The following SHLD1 variants were observed in gnomAD, a reference collection of about 807,000 sequenced individuals.
SHLD1 encodes shieldin complex subunit 1.
Under a neutral mutation model 5.5 loss-of-function variants are expected in SHLD1, and 3 were observed. That is an observed-to-expected ratio of 0.54 (90% CI 0.25 to 1.40). SHLD1 has a LOEUF of 1.40. Among genes scored for constraint, SHLD1 ranks in the 40% most tolerant of loss-of-function variants. SHLD1 has a pLI of 0.15. For synonymous variants in SHLD1, 92 were observed against 94.3 expected, an observed-to-expected ratio of 0.98 and a Z score of 0.14; for missense variants, 210 against 244.4, an observed-to-expected ratio of 0.86 and a Z score of 0.94.
chr20:5,815,717 T>C (rs893277911), intron 2 of SHLD1, among the ~76,000 whole-genome samples: 2 of 152,224 alleles, frequency 1.3e-5, no homozygotes, highest in African/African-American at 4.8e-5. Context: ...TTCTCAGTAT[T>C]ATCCCACTTT....
intron 1 of SHLD1, among the ~76,000 whole-genome samples, chr20:5,758,609 G>A (rs1183171017): frequency 1.3e-5 from 2 of 151,768 alleles, no homozygotes; most frequent in Admixed American, 1.3e-4. Context: ...AGTAGAGATG[G>A]GGGGTTTCAC....
At chr20:5,761,694 G>A (rs1470859275) in intron 1 of SHLD1, among the ~76,000 whole-genome samples, 5 of 148,114 alleles carry the variant, frequency 3.4e-5, no homozygotes, top group East Asian at 2.0e-4. Context: ...TGCAACCTCC[G>A]CTTCCCAGGT....
At position 5,808,245 on chromosome 20, in the gene SHLD1, A is replaced by G. The variant is rs879567207; in HGVS notation, c.178+35202A>G. ...CAGTGAGTCAAGATCACGCCACTGCACTCCAGCAAGACTCCATCTCAAAAA... is the reference window on the plus strand; with the variant it reads ...CAGTGAGTCAAGATCACGCCACTGCGCTCCAGCAAGACTCCATCTCAAAAA... On this transcript the variant is annotated intron_variant, in intron 2 of 2. Transcript: ENST00000303142. 3.0e-4 allele frequency among the ~76,000 whole-genome samples: 3 copies of G among 10,128 alleles called. No homozygotes were observed. In the East Asian group the frequency reaches 0.05, roughly 169 times the overall value. 6.6% of individuals were successfully genotyped at this position (10,128 alleles called of 152,430 possible). A position where few individuals can be genotyped will look rare whatever the true frequency, so the allele number is the denominator to read the frequency against.
intron 1 of SHLD1, among the ~76,000 whole-genome samples, chr20:5,768,221 G>A (rs571728495): frequency 2.7e-4 from 41 of 152,234 alleles, no homozygotes; most frequent in Non-Finnish European, 4.9e-4. Flanking sequence ...TGATCCACCC[G>A]CCTTGGCCTC....
rs142376706 is a variant in SHLD1 at position 5,806,335 on chromosome 20, G to C, written c.178+33292G>C. On this transcript the variant is annotated intron_variant, in intron 2 of 2. Coordinates refer to ENST00000303142, the MANE Select transcript of SHLD1 (RefSeq NM_152504.4). The surrounding 1 kb of genome is among the most constrained non-coding windows in gnomAD (Gnocchi z 7.6). Reference sequence around the variant, plus strand: ...TCCACAGTATATGGATTTGTGGATCGTGTCTTCTTCCTTCCATTTGAAAAC... The same window carrying C: ...TCCACAGTATATGGATTTGTGGATCCTGTCTTCTTCCTTCCATTTGAAAAC... Among the ~76,000 whole-genome samples the C allele has an allele frequency of 1.1e-4, 17 of 152,298 alleles. No homozygotes were observed. The highest frequency in any genetic ancestry group is 1.2e-4 in the African/African-American group (5 of 41,554).
chr20:5,750,395 T>G (rs1215483677), upstream of SHLD1: 2 of 151,632 alleles, frequency 1.3e-5, no homozygotes, highest in African/African-American at 2.4e-5. Context: ...GCGCCATTGC[T>G]TCCGCGTTCC....
At chr20:5,810,182 G>C (rs533936473) in intron 2 of SHLD1, among the ~76,000 whole-genome samples, 1 of 151,778 alleles carries the variant, frequency 6.6e-6, no homozygotes, top group African/African-American at 2.4e-5. Context: ...GCTTGAACCC[G>C]GGTGGTGGAG....
At chr20:5,773,502 T>G (rs745359411) in intron 2 of SHLD1, 2 of 239,388 alleles carry the variant, frequency 8.4e-6, no homozygotes, top group Non-Finnish European at 1.6e-5. Flanking sequence ...CAAGGTTTCC[T>G]GACTAGATTG....
intron 2 of SHLD1, among the ~76,000 whole-genome samples, chr20:5,844,793 A>ATTTTT (rs1167953728): frequency 1.0e-5 from 1 of 96,196 alleles, no homozygotes; most frequent in African/African-American, 7.0e-5. Flanking sequence ...ATATATATAT[A>ATTTTT]TATATATTTT....
intron 1 of SHLD1, among the ~76,000 whole-genome samples, chr20:5,752,021 A>AG (rs1290048989): frequency 6.6e-6 from 1 of 152,182 alleles, no homozygotes; most frequent in Non-Finnish European, 1.5e-5. Flanking sequence ...AACTAAGATA[A>AG]GGGAGTTGTG....
chr20:5,821,856 A>G (rs1399553875), intron 2 of SHLD1, among the ~76,000 whole-genome samples: 3 of 152,142 alleles, frequency 2.0e-5, no homozygotes, highest in Non-Finnish European at 4.4e-5. Context: ...GCTTCCCCAC[A>G]GTGAGTCGTG....
At chr20:5,842,776 C>A (rs1187969159) in intron 2 of SHLD1, among the ~76,000 whole-genome samples, 1 of 151,968 alleles carries the variant, frequency 6.6e-6, no homozygotes, top group African/African-American at 2.4e-5. Flanking sequence ...TCTTGTTTTA[C>A]CTATTTGCTG....
Position 5,854,397 on chromosome 20 carries a change from G to A in SHLD1, c.179-8627G>A, listed in dbSNP as rs575757291. Among the ~76,000 whole-genome samples, 186 of 152,198 alleles carry A rather than the reference G, an allele frequency of 1.2e-3. 1 individual carries two copies. Among genetic ancestry groups the A allele is most frequent in the African/African-American group, 4.2e-3 (173 of 41,516 alleles). On this transcript the variant is annotated intron_variant, in intron 2 of 2. Coordinates refer to ENST00000303142, the MANE Select transcript of SHLD1 (RefSeq NM_152504.4). ...TCCTGAACTCACGTGATTTGTCCGCGTTGGCCTCCCAAAGTTCTGGGATTA... is the reference window on the plus strand; with the variant it reads ...TCCTGAACTCACGTGATTTGTCCGCATTGGCCTCCCAAAGTTCTGGGATTA...
chr20:5,838,331 A>C (rs575218032), intron 2 of SHLD1, among the ~76,000 whole-genome samples: 16 of 152,374 alleles, frequency 1.1e-4, no homozygotes, highest in African/African-American at 3.6e-4. Flanking sequence ...TTGGAGTGGT[A>C]GATTATGGGA....
intron 2 of SHLD1, among the ~76,000 whole-genome samples, chr20:5,810,532 G>A (rs1229501056): frequency 6.6e-6 from 1 of 152,018 alleles, no homozygotes; most frequent in African/African-American, 2.4e-5. Context: ...TTTTTTAAGT[G>A]GGATAAGGAT....
intron 2 of SHLD1, among the ~76,000 whole-genome samples, chr20:5,833,160 C>T (rs996393348): frequency 1.2e-4 from 18 of 152,204 alleles, no homozygotes; most frequent in Non-Finnish European, 2.6e-4. Flanking sequence ...AAATAGACTC[C>T]TCGGCTTCTC....
chr20:5,764,813 A>G (rs778133997), intron 1 of SHLD1, among the ~76,000 whole-genome samples: 42 of 152,180 alleles, frequency 2.8e-4, no homozygotes, highest in Non-Finnish European at 4.9e-4. Context: ...GGGTAGCTCT[A>G]TGGATGTTTG....
intron 2 of SHLD1, among the ~76,000 whole-genome samples, chr20:5,784,435 A>T (rs1471052587): frequency 2.0e-5 from 3 of 151,646 alleles, no homozygotes; most frequent in African/African-American, 7.2e-5. Flanking sequence ...TATTTTATTT[A>T]TTTATTTATT....
At chr20:5,841,205 A>G (rs1489046849) in intron 2 of SHLD1, among the ~76,000 whole-genome samples, 1 of 150,726 alleles carries the variant, frequency 6.6e-6, no homozygotes, top group Non-Finnish European at 1.5e-5. Context: ...GTGTGTGTGC[A>G]CATGCATATG....
Sources: allele counts gnomAD v4.1 joint callset (sites outside exome capture counted in the v4.1 genomes callset), GRCh38; gene constraint gnomAD v4.1.1; non-coding constraint Gnocchi (gnomAD v3.1); transcripts MANE v1.5; gene names NCBI Gene and HGNC (gene_info 2026-07-23, HGNC 2026-07-21).